The following ASAP2 variants were observed in gnomAD, a reference collection of about 807,000 sequenced individuals.
ASAP2 encodes the protein arf-GAP with SH3 domain, ANK repeat and PH domain-containing protein 2.
ASAP2 carries 45 observed loss-of-function variants against 131.4 expected under a neutral mutation model. The observed-to-expected ratio is 0.34, with a 90% confidence interval of 0.27 to 0.44. The LOEUF is 0.44. Ranked by LOEUF, ASAP2 falls within the 20% of genes least tolerant of loss-of-function variation. The probability of loss-of-function intolerance (pLI) is 1.00; values close to 1 mark genes in which losing one functional copy is unlikely to be tolerated. For missense variants in ASAP2, 1,011 were observed against 1,297.0 expected (o/e 0.78, Z 3.39); for synonymous variants, 510 against 503.0 (o/e 1.01, Z -0.19).
intron 1 of ASAP2, among the ~76,000 whole-genome samples, chr2:9,242,090 C>T (rs553370447): frequency 2.0e-5 from 3 of 152,224 alleles, no homozygotes; most frequent in African/African-American, 4.8e-5. Flanking sequence ...ACCTCACAGG[C>T]GTTCGTTGTG....
chr2:9,292,395 G>A (rs1320543991), intron 2 of ASAP2, among the ~76,000 whole-genome samples: 1 of 152,102 alleles, frequency 6.6e-6, no homozygotes. Context: ...GTGTGCGCCT[G>A]TAGTCTCAGC....
Position 9,404,364 on chromosome 2 carries a change from T to C in ASAP2, c.*1037T>C, listed in dbSNP as rs913829470. 4 of 152,236 alleles carry C rather than the reference T, an allele frequency of 2.6e-5. No homozygotes were observed. Among genetic ancestry groups the C allele is most frequent in the Non-Finnish European group, 5.9e-5 (4 of 68,048 alleles). 9.4% of individuals were successfully genotyped at this position (152,236 alleles called of 1,614,324 possible). On this transcript the variant is annotated 3_prime_UTR_variant, in exon 28 of 28. Coordinates refer to ENST00000281419, the MANE Select transcript of ASAP2 (RefSeq NM_003887.3). ...TATAATCAAGAACATATCAGAAATATATAGGTCCCAGGTAATACTCCCAAA... is the reference window on the plus strand; with the variant it reads ...TATAATCAAGAACATATCAGAAATACATAGGTCCCAGGTAATACTCCCAAA...
At chr2:9,318,681 C>T (rs554015996) in intron 4 of ASAP2, 83 bp downstream of exon 4, 53 of 863,228 alleles carry the variant, frequency 6.1e-5, no homozygotes, top group African/African-American at 2.4e-4. Flanking sequence ...GCAGCAGCCA[C>T]GCCAGTACGT....
At chr2:9,357,244 TG>T (rs1463691549) in intron 14 of ASAP2, among the ~76,000 whole-genome samples, 1 of 150,842 alleles carries the variant, frequency 6.6e-6, no homozygotes, top group Admixed American at 6.6e-5. Context: ...TTTGGAAGAC[TG>T]AGGCGGGCGG....
In ASAP2 at chr2:9,359,732, C is replaced by G. The variant is rs560182607; in HGVS notation, c.1461+843C>G. On this transcript the variant is annotated intron_variant, in intron 15 of 27. Coordinates refer to ENST00000281419, the MANE Select transcript of ASAP2 (RefSeq NM_003887.3). ...GACCATGTTCCTCTCAAGGGGCCAT[C>G]AGTCTTATTGATGACTTCGAATCCA... 2.0e-5 allele frequency among the ~76,000 whole-genome samples: 3 copies of G among 152,324 alleles called. No individual in the cohort carries two copies. In the South Asian group the frequency reaches 6.2e-4, roughly 32 times the overall value.
intron 3 of ASAP2, among the ~76,000 whole-genome samples, chr2:9,310,885 T>C (rs77152227): frequency 6.6e-6 from 1 of 152,248 alleles, no homozygotes; most frequent in African/African-American, 2.4e-5. Context: ...TATCTTTGTT[T>C]GCTCATCAGC....
At chr2:9,291,228 TC>T (rs139798798) in intron 2 of ASAP2, among the ~76,000 whole-genome samples, 14,721 of 152,250 alleles carry the variant, frequency 0.097, 760 homozygotes, top group African/African-American at 0.14. Flanking sequence ...CTTGATTATT[TC>T]CTTAGGATAG....
intron 16 of ASAP2, among the ~76,000 whole-genome samples, chr2:9,369,846 GA>G (rs1202296823): frequency 6.6e-6 from 1 of 152,014 alleles, no homozygotes; most frequent in Middle Eastern, 3.2e-3. Flanking sequence ...TAAAGGGAGA[GA>G]ATTTAGATTT....
intron 1 of ASAP2, among the ~76,000 whole-genome samples, chr2:9,264,210 T>G (rs1309792771): frequency 7.5e-6 from 1 of 134,212 alleles, no homozygotes; most frequent in Non-Finnish European, 1.6e-5. Flanking sequence ...ATAATAATAA[T>G]AATAATAATA....
intron 27 of ASAP2, among the ~76,000 whole-genome samples, chr2:9,402,908 A>G (rs1053316785): frequency 1.3e-5 from 2 of 152,206 alleles, no homozygotes; most frequent in Non-Finnish European, 2.9e-5. Flanking sequence ...TGTGACACTC[A>G]GTTCATTCAT....
chr2:9,315,032 C>T (rs1017993316), intron 3 of ASAP2, among the ~76,000 whole-genome samples: 4 of 151,996 alleles, frequency 2.6e-5, no homozygotes, highest in Non-Finnish European at 4.4e-5. Context: ...TTGAGTAACT[C>T]CTGATGGATG....
intron 24 of ASAP2, among the ~76,000 whole-genome samples, chr2:9,395,165 G>C (rs1379598781): frequency 6.6e-6 from 1 of 152,152 alleles, no homozygotes; most frequent in East Asian, 1.9e-4. Context: ...GAAGTCATCA[G>C]TTCCACCTCT....
At chr2:9,387,014 C>G (rs1258129079) in intron 21 of ASAP2, among the ~76,000 whole-genome samples, 1 of 150,330 alleles carries the variant, frequency 6.7e-6, no homozygotes, top group African/African-American at 2.5e-5. Flanking sequence ...ACCATCTTGG[C>G]TAACACGGTG....
At chr2:9,350,613 G>T (rs1232199034) in intron 11 of ASAP2, 195 bp from the exon 12 acceptor site, 2 of 484,348 alleles carry the variant, frequency 4.1e-6, no homozygotes, top group Non-Finnish European at 7.4e-6. Flanking sequence ...GGAGGCAGTT[G>T]CCCTCTGTGG....
Position 9,389,525 on chromosome 2 carries a change from C to T in ASAP2, c.2383+979C>T, listed in dbSNP as rs1224906770. 3.9e-5 allele frequency among the ~76,000 whole-genome samples: 6 copies of T among 152,324 alleles called. No homozygotes were observed. The highest frequency in any genetic ancestry group is 6.5e-5 in the Admixed American group (1 of 15,302). ...GAGACCTGGCCCAGGGCTGAGCAGA[C>T]GGCTGCAGCTTTGTGCTGCACGTAC... On this transcript the variant is annotated intron_variant, in intron 22 of 27. Coordinates refer to ENST00000281419, the MANE Select transcript of ASAP2 (RefSeq NM_003887.3). The surrounding 1 kb of genome is among the most constrained non-coding windows in gnomAD (Gnocchi z 4.7).
At chr2:9,395,045 G>A (rs1449465489) in intron 24 of ASAP2, among the ~76,000 whole-genome samples, 1 of 152,232 alleles carries the variant, frequency 6.6e-6, no homozygotes, top group Non-Finnish European at 1.5e-5. Context: ...CAGGTCCCCA[G>A]AGAGAGGCCT....
chr2:9,390,611 G>A (rs1675645275), intron 22 of ASAP2, among the ~76,000 whole-genome samples: 2 of 152,180 alleles, frequency 1.3e-5, no homozygotes, highest in African/African-American at 4.8e-5. Flanking sequence ...TTTGCACTCT[G>A]CCCCCAACCT....
intron 4 of ASAP2, among the ~76,000 whole-genome samples, chr2:9,318,936 C>A (rs1407668085): frequency 1.3e-5 from 2 of 152,184 alleles, no homozygotes; most frequent in Non-Finnish European, 2.9e-5. Context: ...CTAGCTGGCA[C>A]GTTGCCCATT....
At chr2:9,301,805 G>C (rs1240367666) in intron 3 of ASAP2, among the ~76,000 whole-genome samples, 1 of 150,202 alleles carries the variant, frequency 6.7e-6, no homozygotes, top group East Asian at 1.9e-4. Flanking sequence ...ACCAAGCAAC[G>C]TGTGTATCCA....
Sources: allele counts gnomAD v4.1 joint callset (sites outside exome capture counted in the v4.1 genomes callset), GRCh38; gene constraint gnomAD v4.1.1; non-coding constraint Gnocchi (gnomAD v3.1); transcripts MANE v1.5; gene names NCBI Gene and HGNC (gene_info 2026-07-23, HGNC 2026-07-21).